The following ANKRD62 variants were observed in gnomAD, a reference collection of about 807,000 sequenced individuals.
ANKRD62 encodes ankyrin repeat domain-containing protein 62.
Under a neutral mutation model 98.8 loss-of-function variants are expected in ANKRD62, and 61 were observed. That is an observed-to-expected ratio of 0.62 (90% confidence interval 0.50 to 0.76). The LOEUF (loss-of-function observed/expected upper bound fraction) is 0.76, where lower values mean the gene tolerates loss of function less well. Among genes scored for constraint, ANKRD62 ranks in the 30% least tolerant of loss-of-function variants. The pLI, the probability that ANKRD62 is intolerant of heterozygous loss-of-function variation, is 0.00. For synonymous variants in ANKRD62, 341 were observed against 367.9 expected, an observed-to-expected ratio of 0.93 and a Z score of 0.84; for missense variants, 933 against 1,082.9, an observed-to-expected ratio of 0.86 and a Z score of 1.94.
chr18:12,100,222 A>G (rs1284767731), intron 6 of ANKRD62, among the ~76,000 whole-genome samples: 1 of 152,174 alleles, frequency 6.6e-6, no homozygotes, highest in East Asian at 1.9e-4. Flanking sequence ...TAATTAAGAC[A>G]TATTAGTTAT....
At chr18:12,140,524 T>C in the ANKRD62 span, among the ~76,000 whole-genome samples, 1 of 152,228 alleles carries the variant, frequency 6.6e-6, no homozygotes, top group Non-Finnish European at 1.5e-5. Flanking sequence ...GATGGGTTGT[T>C]GGTGTAGATG....
At chr18:12,140,949 G>T in the ANKRD62 span, among the ~76,000 whole-genome samples, 4 of 152,354 alleles carry the variant, frequency 2.6e-5, no homozygotes, top group South Asian at 6.2e-4. Flanking sequence ...CCAGCCCCCA[G>T]AGGTGGAGCC....
chr18:12,094,217 A>G lies in ANKRD62; in HGVS notation c.200A>G (p.Asp67Gly), dbSNP rs1302651419. ...TTGCTCAGGCTGAATGACTTGAACG[A>G]CAGGGACAAGAAGAACAGGTAAGGG... ...SILLRLNDLNDRDKKNRTALL... is the reference protein window; with the variant it reads ...SILLRLNDLNGRDKKNRTALL... Residue 67 changes from aspartate to glycine, a missense_variant, in exon 1 of 14, where the codon GAC becomes GGC. Coordinates refer to ENST00000587848, the MANE Select transcript of ANKRD62 (RefSeq NM_001277333.2). 6.5e-7 allele frequency: 1 copy of G among 1,528,092 alleles called. No homozygotes were observed. The highest frequency in any genetic ancestry group is 1.4e-5 in the African/African-American group (1 of 69,822). 94.7% of individuals were successfully genotyped at this position (1,528,092 alleles called of 1,614,324 possible). A position where few individuals can be genotyped will look rare whatever the true frequency, so the allele number is the denominator to read the frequency against.
chr18:12,107,287 C>A lies in ANKRD62; in HGVS notation c.892-8C>A. On this transcript the variant is annotated splice_polypyrimidine_tract_variant and splice_region_variant and intron_variant, in intron 7 of 13. Coordinates refer to ENST00000587848, the MANE Select transcript of ANKRD62 (RefSeq NM_001277333.2). Reference sequence around the variant, plus strand: ...ACAATTATTCTCAGTATGAAACTTTCATTGAAGGTTGAAGAAAAAATGAAG... The same window carrying A: ...ACAATTATTCTCAGTATGAAACTTTAATTGAAGGTTGAAGAAAAAATGAAG... 2 of 1,477,530 alleles carry A rather than the reference C, an allele frequency of 1.4e-6. No homozygotes were observed. The highest frequency in any genetic ancestry group is 1.4e-5 in the South Asian group (1 of 72,212). 91.5% of individuals were successfully genotyped at this position (1,477,530 alleles called of 1,614,324 possible). A position where few individuals can be genotyped will look rare whatever the true frequency, so the allele number is the denominator to read the frequency against.
At chr18:12,105,079 T>C (rs1909384396) in intron 7 of ANKRD62, among the ~76,000 whole-genome samples, 1 of 152,148 alleles carries the variant, frequency 6.6e-6, no homozygotes, top group South Asian at 2.1e-4. Flanking sequence ...TAATTGCAAA[T>C]TGGACATCAG....
the ANKRD62 span, among the ~76,000 whole-genome samples, chr18:12,162,376 T>G: frequency 6.6e-6 from 1 of 152,160 alleles, no homozygotes; most frequent in South Asian, 2.1e-4. Flanking sequence ...TATTAGATTT[T>G]TTTTCCTATA....
the ANKRD62 span, among the ~76,000 whole-genome samples, chr18:12,150,085 A>G: frequency 1.3e-5 from 2 of 152,256 alleles, no homozygotes; most frequent in Admixed American, 6.5e-5. Context: ...TAGCCACCAT[A>G]GGAAAAAAAA....
chr18:12,125,637 A>G lies in ANKRD62; in HGVS notation c.1816A>G (p.Thr606Ala), dbSNP rs1179876485. ...IKENNEDLEK[T>A]LKRNEEALTK... is the part of the protein sequence containing the mutation. ...GGAAAACAATGAAGACCTTGAAAAG[A>G]CTCTCAAGCGGAATGAGGAAGCATT... Residue 606 changes from threonine to alanine, a missense_variant, in exon 13 of 14, where the codon ACT becomes GCT. Physicochemically the swap from Thr to Ala is moderately conservative, Grantham distance 58 (BLOSUM62 0). Transcript: ENST00000587848. 2.0e-6 allele frequency: 3 copies of G among 1,526,914 alleles called. No individual in the cohort carries two copies. Among genetic ancestry groups the G allele is most frequent in the African/African-American group, 1.4e-5 (1 of 72,074 alleles). The allele number at this position is 1,526,914 out of a possible 1,614,324, so 94.6% of individuals were successfully genotyped here.
the ANKRD62 span, among the ~76,000 whole-genome samples, chr18:12,145,728 C>T: frequency 6.6e-6 from 1 of 152,250 alleles, no homozygotes; most frequent in African/African-American, 2.4e-5. Flanking sequence ...ACTTGGGTGG[C>T]TTAGCCATTC....
the ANKRD62 span, among the ~76,000 whole-genome samples, chr18:12,170,504 A>G: frequency 6.6e-6 from 1 of 152,190 alleles, no homozygotes; most frequent in South Asian, 2.1e-4. Flanking sequence ...ACAGTTTGTT[A>G]TAATTTCTGT....
the ANKRD62 span, among the ~76,000 whole-genome samples, chr18:12,178,559 TGAA>T: frequency 6.7e-6 from 1 of 149,202 alleles, no homozygotes; most frequent in Non-Finnish European, 1.5e-5. Flanking sequence ...TGAAATGCAG[TGAA>T]GAAGGAGACA....
chr18:12,112,497 A>T (rs1267649306), intron 8 of ANKRD62, among the ~76,000 whole-genome samples: 1 of 152,242 alleles, frequency 6.6e-6, no homozygotes, highest in East Asian at 1.9e-4. Context: ...GTACTGGGAT[A>T]ACTGGCTAGC....
At chr18:12,123,355 GT>G (rs1909822259) in intron 11 of ANKRD62, among the ~76,000 whole-genome samples, 2 of 152,034 alleles carry the variant, frequency 1.3e-5, no homozygotes, top group South Asian at 4.1e-4. Flanking sequence ...GCCTGGCCCA[GT>G]TTTACTCTTA....
chr18:12,167,983 A>AT, the ANKRD62 span, among the ~76,000 whole-genome samples: 120 of 150,450 alleles, frequency 8.0e-4, no homozygotes, highest in African/African-American at 2.4e-3. Context: ...GGGTTGTTTG[A>AT]TTTTTTTTTC....
the ANKRD62 span, among the ~76,000 whole-genome samples, chr18:12,158,811 G>A: frequency 6.6e-6 from 1 of 152,026 alleles, no homozygotes; most frequent in Non-Finnish European, 1.5e-5. Context: ...TGGGATTACA[G>A]GCGTGAGCCA....
intron 6 of ANKRD62, among the ~76,000 whole-genome samples, chr18:12,101,071 C>G (rs978619682): frequency 1.3e-5 from 2 of 152,136 alleles, no homozygotes; most frequent in East Asian, 3.8e-4. Flanking sequence ...TGCCACAGCA[C>G]TCTCCCATAA....
At chr18:12,115,227 C>A in intron 9 of ANKRD62, 106 bp downstream of exon 9, 1 of 1,268,982 alleles carries the variant, frequency 7.9e-7, no homozygotes, top group Non-Finnish European at 1.0e-6. Flanking sequence ...TTTGATAAAG[C>A]AGCGGTAACC....
Position 12,126,010 on chromosome 18 carries a change from A to G in ANKRD62, c.2189A>G (p.Lys730Arg), listed in dbSNP as rs1273754524. The change falls in exon 13 of 14, where the codon AAG becomes AGG. Residue 730 changes from lysine (K) to arginine (R), a missense_variant. Lys to Arg is a conservative substitution (Grantham distance 26, BLOSUM62 2). Transcript: ENST00000587848. Reference protein sequence around the residue: ...LHYEREALKEKTLHIEHMQGV... With the variant: ...LHYEREALKERTLHIEHMQGV... Reference sequence around the variant, plus strand: ...TATGAAAGAGAGGCTCTCAAAGAAAAGACGTTGCATATAGAACACATGCAA... The same window carrying G: ...TATGAAAGAGAGGCTCTCAAAGAAAGGACGTTGCATATAGAACACATGCAA... 6.5e-7 allele frequency: 1 copy of G among 1,536,596 alleles called. No homozygotes were observed. The highest frequency in any genetic ancestry group is 1.2e-5 in the South Asian group (1 of 84,066).
chr18:12,161,877 A>G, the ANKRD62 span, among the ~76,000 whole-genome samples: 2 of 152,142 alleles, frequency 1.3e-5, no homozygotes, highest in African/African-American at 4.8e-5. Flanking sequence ...GTGGCTGAAT[A>G]TACACAACTC....
Sources: allele counts gnomAD v4.1 joint callset (sites outside exome capture counted in the v4.1 genomes callset), GRCh38; gene constraint gnomAD v4.1.1; transcripts MANE v1.5; gene names NCBI Gene and HGNC (gene_info 2026-07-23, HGNC 2026-07-21).